PDE3A: variants seen among roughly 807,000 people sequenced by gnomAD.
PDE3A encodes phosphodiesterase 3A, also known as cGMP-inhibited 3',5'-cyclic phosphodiesterase 3A.
Under a neutral mutation model 98.3 loss-of-function variants are expected in PDE3A, and 43 were observed. The observed-to-expected ratio is 0.44, with a 90% CI of 0.34 to 0.56. PDE3A has a LOEUF of 0.56. Ranked by LOEUF, PDE3A falls within the 20% of genes least tolerant of loss-of-function variation. The pLI is 0.01. For synonymous variants in PDE3A, 663 were observed against 567.9 expected (o/e 1.17, Z -2.38); for missense variants, 1,427 against 1,440.7 (o/e 0.99, Z 0.15).
At chr12:20,665,001 AC>A (rs1945272846) in intron 15 of PDE3A, among the ~76,000 whole-genome samples, 1 of 152,144 alleles carries the variant, frequency 6.6e-6, no homozygotes, top group African/African-American at 2.4e-5. Context: ...ATTCTCCCAT[AC>A]AAATATATCT....
At chr12:20,428,374 G>T (rs1944636844) in intron 1 of PDE3A, among the ~76,000 whole-genome samples, 1 of 152,094 alleles carries the variant, frequency 6.6e-6, no homozygotes, top group Non-Finnish European at 1.5e-5. Context: ...CCACCTCCCG[G>T]GTTCAGGCTA....
chr12:20,595,953 C>A (rs1195847966), intron 2 of PDE3A, among the ~76,000 whole-genome samples: 7 of 152,080 alleles, frequency 4.6e-5, no homozygotes. Context: ...GTTTTTCCTA[C>A]ATCCTCCTCC....
intron 1 of PDE3A, among the ~76,000 whole-genome samples, chr12:20,457,965 G>A (rs191262751): frequency 3.3e-3 from 504 of 152,036 alleles, no homozygotes; most frequent in Non-Finnish European, 5.9e-3. Flanking sequence ...TTTGTGATTC[G>A]TTTAGATACT....
chr12:20,449,162 G>T lies in PDE3A; in HGVS notation c.960+78918G>T, dbSNP rs1407459264. Among the ~76,000 whole-genome samples the T allele has an allele frequency of 2.0e-5, 3 of 152,164 alleles. No homozygotes were observed. The South Asian group carries it at 6.2e-4, about 32-fold the overall frequency. On this transcript the variant is annotated intron_variant, in intron 1 of 15. Coordinates refer to ENST00000359062, the MANE Select transcript of PDE3A (RefSeq NM_000921.5). ...TAACAGGACACTCCAGACCTAAATG[G>T]TGAAAAGATTTCCCACTCAAATTGT...
intron 1 of PDE3A, among the ~76,000 whole-genome samples, chr12:20,518,736 A>C (rs2121142211): frequency 6.6e-6 from 1 of 152,334 alleles, no homozygotes; most frequent in African/African-American, 2.4e-5. Context: ...AAATCACTTA[A>C]TAATGGATTT....
chr12:20,526,841 T>G (rs1946531427), intron 1 of PDE3A, among the ~76,000 whole-genome samples: 1 of 151,698 alleles, frequency 6.6e-6, no homozygotes. Context: ...GTGAAGCTAA[T>G]AAAACATCTT....
In PDE3A at chr12:20,466,202, C is replaced by T. The variant is rs539376455; in HGVS notation, c.961-90458C>T. ...TGTTCCCATTCCAATGCCTGACAGC[C>T]AGACTCTTGGAAGACAAGCAAAGAA... On this transcript the variant is annotated intron_variant, in intron 1 of 15. Coordinates refer to ENST00000359062, the MANE Select transcript of PDE3A (RefSeq NM_000921.5). Among the ~76,000 whole-genome samples the T allele has an allele frequency of 1.8e-4, 28 of 152,322 alleles. No homozygotes were observed. In the South Asian group the frequency reaches 5.6e-3, roughly 30 times the overall value.
At chr12:20,503,480 T>C (rs1412224931) in intron 1 of PDE3A, among the ~76,000 whole-genome samples, 2 of 152,076 alleles carry the variant, frequency 1.3e-5, no homozygotes, top group Admixed American at 6.6e-5. Context: ...TCCTCATCGA[T>C]TTTCTATCCA....
intron 15 of PDE3A, among the ~76,000 whole-genome samples, chr12:20,659,753 C>G (rs1305117411): frequency 6.6e-6 from 1 of 152,126 alleles, no homozygotes; most frequent in Non-Finnish European, 1.5e-5. Flanking sequence ...ACTATTAACT[C>G]TTTAATGCAG....
chr12:20,421,560 CT>C (rs1450482421), intron 1 of PDE3A, among the ~76,000 whole-genome samples: 13 of 149,694 alleles, frequency 8.7e-5, no homozygotes, highest in African/African-American at 2.7e-4. Context: ...GCATAAAACA[CT>C]TGTACCTGTG....
At chr12:20,671,326 G>A (rs1945474677) in intron 15 of PDE3A, among the ~76,000 whole-genome samples, 2 of 151,568 alleles carry the variant, frequency 1.3e-5, no homozygotes, top group Admixed American at 1.3e-4. Context: ...AGAAAAACAG[G>A]GAATCCTCCC....
intron 1 of PDE3A, among the ~76,000 whole-genome samples, chr12:20,379,591 A>G (rs1029902626): frequency 6.6e-6 from 1 of 151,760 alleles, no homozygotes; most frequent in Non-Finnish European, 1.5e-5. Flanking sequence ...TGTCTTGCTT[A>G]TTGTAAGTGC....
At chr12:20,491,674 C>A (rs1047288152) in intron 1 of PDE3A, among the ~76,000 whole-genome samples, 2 of 152,060 alleles carry the variant, frequency 1.3e-5, no homozygotes, top group African/African-American at 4.8e-5. Context: ...GGGTAACAAA[C>A]CTGCAACACA....
At chr12:20,553,886 T>A (rs574105258) in intron 1 of PDE3A, among the ~76,000 whole-genome samples, 9 of 152,084 alleles carry the variant, frequency 5.9e-5, no homozygotes, top group African/African-American at 2.2e-4. Context: ...CATCCAGTTC[T>A]TCCTGACACC....
chr12:20,467,405 CT>C (rs1276253226), intron 1 of PDE3A, among the ~76,000 whole-genome samples: 1 of 150,682 alleles, frequency 6.6e-6, no homozygotes, highest in Non-Finnish European at 1.5e-5. Context: ...GCCTAGTATT[CT>C]TTCTGTTAAT....
At position 20,552,751 on chromosome 12, in the gene PDE3A, G is replaced by C; in HGVS notation, c.961-3909G>C. On this transcript the variant is annotated intron_variant, in intron 1 of 15. Coordinates refer to ENST00000359062, the MANE Select transcript of PDE3A (RefSeq NM_000921.5). The surrounding 1 kb of genome is among the most constrained non-coding windows in gnomAD (Gnocchi z 5.1). ...GTCACTCAAGGACCGGCCGGCGAGCGGCAGCCCGTTCCAGTTGTTCCTGAG... is the reference window on the plus strand; with the variant it reads ...GTCACTCAAGGACCGGCCGGCGAGCCGCAGCCCGTTCCAGTTGTTCCTGAG... 1 of 1,614,048 alleles carries C rather than the reference G, an allele frequency of 6.2e-7. No homozygotes were observed. Among genetic ancestry groups the C allele is most frequent in the Non-Finnish European group, 8.5e-7 (1 of 1,179,900 alleles).
chr12:20,609,847 G>A (rs1283565995), intron 2 of PDE3A, among the ~76,000 whole-genome samples: 1 of 151,910 alleles, frequency 6.6e-6, no homozygotes, highest in Non-Finnish European at 1.5e-5. Flanking sequence ...ATTTCTACAT[G>A]CAAAAGAATG....
Position 20,369,891 on chromosome 12 carries a change from T to A in PDE3A, c.607T>A (p.Trp203Arg). 1 of 1,613,210 alleles carries A rather than the reference T, an allele frequency of 6.2e-7. No individual in the cohort carries two copies. Among genetic ancestry groups the A allele is most frequent in the Non-Finnish European group, 8.5e-7 (1 of 1,179,798 alleles). ...GCTCAGCTGCTTGGCCGCCGCGACA[T>A]GGCTGGTGCTGAGGCTGAGGCTGGG... is the stretch of plus-strand genomic sequence containing the variant. ...VVLSCLAAAT[W>R]LVLRLRLGVL... The change falls in exon 1 of 16, where the codon TGG becomes AGG. Residue 203 changes from tryptophan to arginine, a missense_variant. Around this residue, in one of 3 missense-constraint regions of PDE3A, gnomAD observed 1,012 missense variants for 886.5 expected, o/e 1.14. Transcript: ENST00000359062.
In PDE3A at chr12:20,648,752, T is replaced by C; in HGVS notation, c.2630T>C (p.Phe877Ser). Residue 877 changes from phenylalanine (F) to serine (S), a missense_variant, in exon 13 of 16, where the codon TTC becomes TCC. Around this residue, in one of 3 missense-constraint regions of PDE3A, gnomAD observed 273 missense variants for 420.3 expected, o/e 0.65. Transcript: ENST00000359062. ...NHHAAAAWNL[F>S]MSRPEYNFLI... is the part of the protein sequence containing the mutation. The stretch of plus-strand genomic sequence containing the variant: ...CACGCAGCTGCTGCATGGAATCTTT[T>C]CATGTCCCGGCCAGAGTATAACTTC... 6.2e-7 allele frequency: 1 copy of C among 1,613,090 alleles called. No homozygotes were observed. Among genetic ancestry groups the C allele is most frequent in the Non-Finnish European group, 8.5e-7 (1 of 1,179,064 alleles).
Sources: allele counts gnomAD v4.1 joint callset (sites outside exome capture counted in the v4.1 genomes callset), GRCh38; gene constraint gnomAD v4.1.1; regional missense constraint gnomAD v4.1.1; non-coding constraint Gnocchi (gnomAD v3.1); transcripts MANE v1.5; gene names NCBI Gene and HGNC (gene_info 2026-07-23, HGNC 2026-07-21).